Variants in MCM3AP observed in about 807,000 individuals in gnomAD.
MCM3AP encodes germinal-center associated nuclear protein.
MCM3AP carries 126 observed loss-of-function variants against 184.1 expected under a neutral mutation model. That is an observed-to-expected ratio of 0.68 (90% CI 0.59 to 0.79). MCM3AP has a LOEUF of 0.79. Among genes scored for constraint, MCM3AP ranks in the 30% least tolerant of loss-of-function variants. MCM3AP has a pLI of 0.00. For synonymous variants in MCM3AP, 1,002 were observed against 979.3 expected (o/e 1.02, Z -0.43); for missense variants, 2,496 against 2,479.2 (o/e 1.01, Z -0.14).
In MCM3AP at chr21:46,251,615, C is replaced by A. The variant is rs375959009; in HGVS notation, c.4204G>T (p.Asp1402Tyr). ...DEGSVDDTSSDAGGIQTLSLF... is the reference protein window; with the variant it reads ...DEGSVDDTSSYAGGIQTLSLF... ...GAAAGCGTCTGAATCCCACCAGCAT[C>A]GCTGGATGTGTCATCCACTGAGCCT... is the stretch of plus-strand genomic sequence containing the variant. Residue 1402 changes from aspartate (D) to tyrosine (Y), a missense_variant, in exon 20 of 28, where the codon GAT (aspartate) becomes TAT (tyrosine). Around this residue, in one of 5 missense-constraint regions of MCM3AP, gnomAD observed 1,323 missense variants for 1,273.4 expected, o/e 1.04. Coordinates refer to ENST00000291688, the MANE Select transcript of MCM3AP (RefSeq NM_003906.5). The A allele has an allele frequency of 1.4e-5, 22 of 1,610,052 alleles. No individual in the cohort carries two copies. Among genetic ancestry groups the A allele is most frequent in the Non-Finnish European group, 1.8e-5 (21 of 1,176,494 alleles).
chr21:46,243,674 A>C lies in MCM3AP; in HGVS notation c.5087T>G (p.Ile1696Ser). The C allele has an allele frequency of 6.2e-7, 1 of 1,614,176 alleles. No individual in the cohort carries two copies. The highest frequency in any genetic ancestry group is 8.5e-7 in the Non-Finnish European group (1 of 1,180,032). Residue 1696 changes from isoleucine to serine, a missense_variant, in exon 24 of 28, where the codon ATC becomes AGC. Ile to Ser is a moderately radical substitution (Grantham distance 142, BLOSUM62 -2). Around this residue, in one of 5 missense-constraint regions of MCM3AP, gnomAD observed 1,323 missense variants for 1,273.4 expected, o/e 1.04. Coordinates refer to ENST00000291688, the MANE Select transcript of MCM3AP (RefSeq NM_003906.5). Reference protein sequence around the residue: ...CSMVVQYASQIPSSRQTQPVL... With the variant: ...CSMVVQYASQSPSSRQTQPVL... ...AGGCTGTGTCTGGCGTGAGCTGGGG[A>C]TCTGGGAGGCGTACTGGACAACCAT...
Position 46,244,660 on chromosome 21 carries a change from C to T in MCM3AP, c.5038+147G>A, listed in dbSNP as rs185877685. 1.4e-5 allele frequency: 12 copies of T among 848,480 alleles called. 1 individual carries two copies. In the Admixed American group the frequency reaches 2.0e-4, roughly 14 times the overall value. 52.6% of individuals were successfully genotyped at this position (848,480 alleles called of 1,614,324 possible). A position where few individuals can be genotyped will look rare whatever the true frequency, so the allele number is the denominator to read the frequency against. ...GAACCCAAAGGACCAAAGGAAGGTG[C>T]AGGCGAGCACAGCATGGAGACACAC... On this transcript the variant is annotated intron_variant, in intron 23 of 27. Transcript: ENST00000291688.
At chr21:46,251,878 GTTC>G (rs2080875532) in intron 19 of MCM3AP, 196 bp from the exon 20 acceptor site, 5 of 186,030 alleles carry the variant, frequency 2.7e-5, no homozygotes, top group Admixed American at 9.5e-5. Context: ...ATCTGTACTC[GTTC>G]TTTTTTTTTT....
Position 46,265,483 on chromosome 21 carries a change from T to C in MCM3AP, c.3072A>G (p.Ala1024=), listed in dbSNP as rs780626159. The change falls in exon 12 of 28, where the codon GCA becomes GCG. Residue 1024 remains alanine (A), a synonymous_variant. Transcript: ENST00000291688. ...RGEECGVEPD[A]PLSSLPQSLP... is the part of the protein sequence containing the mutation. ...GAGACTGTGGGAGACTGGACAGGGG[T>C]GCATCCGGCTCTACACCACACTCCT... 5.0e-6 allele frequency: 8 copies of C among 1,605,024 alleles called. No homozygotes were observed. The highest frequency in any genetic ancestry group is 3.3e-4 in the Middle Eastern group (2 of 6,044).
rs1337866237 is a variant in MCM3AP, at chr21:46,235,136, C to T, written c.*132G>A. 6.0e-6 allele frequency: 6 copies of T among 1,005,536 alleles called. No individual in the cohort carries two copies. In the African/African-American group the frequency reaches 6.5e-5, roughly 11 times the overall value. The allele number at this position is 1,005,536 out of a possible 1,614,324, so 62.3% of individuals were successfully genotyped here. On this transcript the variant is annotated 3_prime_UTR_variant, in exon 28 of 28. Coordinates refer to ENST00000291688, the MANE Select transcript of MCM3AP (RefSeq NM_003906.5). ...TCATTATGAAAAACTGGGAGACTGA[C>T]ATTTAAATGGTTTATCTGCATGATT...
chr21:46,259,699 T>C (rs1339167695), intron 15 of MCM3AP, among the ~76,000 whole-genome samples: 1 of 151,672 alleles, frequency 6.6e-6, no homozygotes, highest in Non-Finnish European at 1.5e-5. Context: ...GATCACGAGG[T>C]CAGGAGATCG....
chr21:46,250,176 A>T (rs937538843), intron 20 of MCM3AP: 4 of 152,312 alleles, frequency 2.6e-5, no homozygotes, highest in Non-Finnish European at 5.9e-5. Context: ...CAGGAAAAAA[A>T]TAATTGTGGT....
chr21:46,240,231 G>A (rs2080633983), intron 26 of MCM3AP, among the ~76,000 whole-genome samples: 1 of 152,196 alleles, frequency 6.6e-6, no homozygotes, highest in Non-Finnish European at 1.5e-5. Context: ...CCAGCAACAA[G>A]AGGCGTCAGG....
intron 16 of MCM3AP, among the ~76,000 whole-genome samples, chr21:46,258,073 A>G (rs2080984681): frequency 6.6e-6 from 1 of 152,176 alleles, no homozygotes; most frequent in Non-Finnish European, 1.5e-5. Flanking sequence ...CTCATATCAG[A>G]TGGAGCAAAG....
intron 23 of MCM3AP, chr21:46,244,585 G>A (rs57092736): frequency 1.7e-6 from 1 of 582,810 alleles, no homozygotes; most frequent in South Asian, 2.1e-5. Context: ...TTGCTGGTCA[G>A]GAAAGGCTAA....
At chr21:46,267,400 A>C in intron 9 of MCM3AP, 1 of 451,614 alleles carries the variant, frequency 2.2e-6, no homozygotes, top group Non-Finnish European at 4.0e-6. Flanking sequence ...TTCATAAGAG[A>C]AATCATGAAA....
At chr21:46,270,696 G>A in intron 8 of MCM3AP, 133 bp from the exon 9 acceptor site, 1 of 746,996 alleles carries the variant, frequency 1.3e-6, no homozygotes, top group Non-Finnish European at 2.1e-6. Context: ...CCCAAAACGT[G>A]GGGAGGCCAA....
rs1211749063 is a variant in MCM3AP, at chr21:46,265,387, G to T, written c.3168C>A (p.Ser1056Arg). 3.1e-6 allele frequency: 5 copies of T among 1,614,082 alleles called. No homozygotes were observed. The Admixed American group carries it at 5.0e-5, about 16-fold the overall frequency. ...VLALTPSVAP[S>R]LFQLSVQPEP... Reference sequence around the variant, plus strand: ...CAGGCTGCACAGACAGCTGGAAGAGGCTGGGCGCCACAGACGGGGTCAGTG... The same window carrying T: ...CAGGCTGCACAGACAGCTGGAAGAGTCTGGGCGCCACAGACGGGGTCAGTG... Residue 1056 changes from serine to arginine, a missense_variant, in exon 12 of 28, where the codon AGC becomes AGA. Around this residue, in one of 5 missense-constraint regions of MCM3AP, gnomAD observed 1,323 missense variants for 1,273.4 expected, o/e 1.04. Coordinates refer to ENST00000291688, the MANE Select transcript of MCM3AP (RefSeq NM_003906.5).
chr21:46,248,681 T>C (rs1045297513), intron 20 of MCM3AP, among the ~76,000 whole-genome samples: 1 of 149,852 alleles, frequency 6.7e-6, no homozygotes, highest in Non-Finnish European at 1.5e-5. Context: ...CCAAAAACCC[T>C]AATTTCCTTG....
Position 46,246,633 on chromosome 21 carries a change from T to G in MCM3AP, c.4544A>C (p.Glu1515Ala). 1.2e-6 allele frequency: 2 copies of G among 1,609,950 alleles called. No individual in the cohort carries two copies. The highest frequency in any genetic ancestry group is 2.2e-5 in the South Asian group (2 of 91,050). ...ACGAGACTTCCTTCACAAACCATCT[T>G]CTACTTCCTTCTCAACGGCGTCCCC... ...PGGDAVEKEV[E>A]DGLMLQDLVS... Residue 1515 changes from glutamate to alanine, a missense_variant, in exon 21 of 28, where the codon GAA becomes GCA. By Grantham distance (107) the Glu-to-Ala change is moderately radical. This residue lies in a region of MCM3AP where 1,323 missense variants were observed against 1,273.4 expected (regional missense o/e 1.04). Coordinates refer to ENST00000291688, the MANE Select transcript of MCM3AP (RefSeq NM_003906.5).
Position 46,257,020 on chromosome 21 carries a change from T to C in MCM3AP, c.3735-34A>G, listed in dbSNP as rs2839174. On this transcript the variant is annotated intron_variant, in intron 16 of 27. Transcript: ENST00000291688. ...ATGAAAATGTATCATCACAGAGTGT[T>C]TTCAGGGTCTTCAAACTGAGAAACA... The C allele has an allele frequency of 0.4, 631,715 of 1,582,160 alleles. 127,546 individuals are homozygous for C. The highest frequency in any genetic ancestry group is 0.52 in the Admixed American group (29,346 of 56,744).
intron 10 of MCM3AP, chr21:46,266,637 G>T (rs1819604969): frequency 3.3e-6 from 1 of 300,696 alleles, no homozygotes; most frequent in African/African-American, 2.2e-5. Context: ...TGGCCTGCGG[G>T]TGCCTCCATC....
At position 46,273,519 on chromosome 21, in the gene MCM3AP, G is replaced by C. The variant is rs1041708409; in HGVS notation, c.2065C>G (p.His689Asp). The change falls in exon 7 of 28, where the codon CAC (histidine) becomes GAC (aspartate). Residue 689 changes from histidine to aspartate, a missense_variant. Transcript: ENST00000291688. The part of the protein sequence containing the change: ...SSADQEEPLP[H>D]ELRPLPVLSR... ...AGCACTGGCAAGGGCCGCAGCTCGT[G>C]GGGCAGGGGCTCCTCCTGATCCGCC... 6.2e-7 allele frequency: 1 copy of C among 1,613,910 alleles called. No individual in the cohort carries two copies. The highest frequency in any genetic ancestry group is 8.5e-7 in the Non-Finnish European group (1 of 1,179,854).
intron 6 of MCM3AP, 88 bp downstream of exon 6, chr21:46,275,098 A>C: frequency 7.0e-7 from 1 of 1,434,462 alleles, no homozygotes; most frequent in Non-Finnish European, 9.2e-7. Flanking sequence ...ACACTGTCTA[A>C]AACAAACACC....
Sources: gnomAD v4.1 joint callset for allele counts (sites outside exome capture counted in the v4.1 genomes callset) on GRCh38, gnomAD v4.1.1 for gene constraint, gnomAD v4.1.1 regional missense constraint, MANE v1.5 for transcripts, NCBI Gene and HGNC (gene_info 2026-07-23, HGNC 2026-07-21) for gene names.